The following ETV1 variants were observed in gnomAD, a reference collection of about 807,000 sequenced individuals.
ETV1 encodes ETS translocation variant 1.
Under a neutral mutation model 62.3 loss-of-function variants are expected in ETV1, and 27 were observed. That is an observed-to-expected ratio of 0.43 (90% CI 0.32 to 0.60). The LOEUF (loss-of-function observed/expected upper bound fraction) is 0.60, where lower values mean the gene tolerates loss of function less well. Among genes scored for constraint, ETV1 ranks in the 20% least tolerant of loss-of-function variants. The pLI is 0.06. For synonymous variants in ETV1, 222 were observed against 199.6 expected (o/e 1.11, Z -0.94); for missense variants, 605 against 605.8 (o/e 1.00, Z 0.01).
intron 6 of ETV1, among the ~76,000 whole-genome samples, chr7:13,952,182 C>T (rs1182434256): frequency 6.6e-6 from 1 of 152,138 alleles, no homozygotes; most frequent in African/African-American, 2.4e-5. Context: ...CCAGTTCCTA[C>T]CCCAGCTAGC....
At chr7:13,944,140 A>G (rs913354963) in intron 6 of ETV1, among the ~76,000 whole-genome samples, 1 of 152,192 alleles carries the variant, frequency 6.6e-6, no homozygotes, top group Non-Finnish European at 1.5e-5. Flanking sequence ...TGGAAATGCT[A>G]TTTAGTGCTC....
At chr7:13,952,901 T>C (rs1788996649) in intron 6 of ETV1, among the ~76,000 whole-genome samples, 1 of 152,198 alleles carries the variant, frequency 6.6e-6, no homozygotes, top group Non-Finnish European at 1.5e-5. Flanking sequence ...ACTTCAGCAG[T>C]AGTGGTACTA....
intron 8 of ETV1, among the ~76,000 whole-genome samples, chr7:13,934,678 T>C (rs1027186386): frequency 1.3e-5 from 2 of 152,242 alleles, no homozygotes; most frequent in African/African-American, 2.4e-5. Context: ...CTAATTATCT[T>C]ACTACATTTC....
chr7:13,900,886 A>T (rs1187938653), intron 12 of ETV1, 47 bp from the exon 13 acceptor site: 4 of 1,229,664 alleles, frequency 3.3e-6, no homozygotes, highest in Non-Finnish European at 4.6e-6. Flanking sequence ...TTAACTTATC[A>T]GCATATTTCA....
intron 9 of ETV1, among the ~76,000 whole-genome samples, chr7:13,915,565 A>C (rs992575259): frequency 6.6e-6 from 1 of 152,130 alleles, no homozygotes; most frequent in Non-Finnish European, 1.5e-5. Context: ...CTCATAGTTT[A>C]TGTTTAAAAT....
rs113847321 is a variant in ETV1 at position 13,906,250 on chromosome 7, C to T, written c.1110+180G>A. 4.7e-3 allele frequency: 2,149 copies of T among 454,818 alleles called. 32 individuals are homozygous for T. The highest frequency in any genetic ancestry group is 0.036 in the African/African-American group (1,753 of 49,378). The allele number at this position is 454,818 out of a possible 1,614,324, so 28.2% of individuals were successfully genotyped here. On this transcript the variant is annotated intron_variant, in intron 12 of 13. Coordinates refer to ENST00000430479, the MANE Select transcript of ETV1 (RefSeq NM_004956.5). ...GGATTGTATACAACCGGAAGGAACA[C>T]GCAATACATTGGTGATTTTAAAGGT...
intron 6 of ETV1, among the ~76,000 whole-genome samples, chr7:13,948,509 T>C (rs973184039): frequency 3.3e-5 from 5 of 152,360 alleles, no homozygotes; most frequent in South Asian, 2.1e-4. Context: ...TTCTGTATGC[T>C]GTTCTAGAAC....
intron 9 of ETV1, among the ~76,000 whole-genome samples, chr7:13,917,429 C>T (rs187007405): frequency 7.3e-5 from 11 of 151,678 alleles, no homozygotes; most frequent in East Asian, 3.9e-4. Flanking sequence ...GTGATTCTCC[C>T]GCCTCAGCCT....
intron 6 of ETV1, among the ~76,000 whole-genome samples, chr7:13,947,893 G>C (rs988192434): frequency 1.3e-5 from 2 of 152,164 alleles, no homozygotes; most frequent in Non-Finnish European, 1.5e-5. Context: ...AGTCCAATTA[G>C]AGCTTTATTT....
In ETV1 at chr7:13,957,665, G is replaced by A. The variant is rs118168433; in HGVS notation, c.236-18419C>T. ...TTAGAACAATGAGCTCTGCCAAAGC[G>A]TCTGCTGTAACTCCAGGTGTAAGGT... On this transcript the variant is annotated intron_variant, in intron 6 of 13. Transcript: ENST00000430479. Among the ~76,000 whole-genome samples, 737 of 152,240 alleles carry A rather than the reference G, an allele frequency of 4.8e-3. 2 individuals carry two copies. Among genetic ancestry groups the A allele is most frequent in the Non-Finnish European group, 8.7e-3 (591 of 68,010 alleles).
In ETV1 at chr7:13,891,952, G is replaced by A. The variant is rs959599209; in HGVS notation, c.*3914C>T. The A allele has an allele frequency of 8.6e-6, 2 of 231,584 alleles. No individual in the cohort carries two copies. The highest frequency in any genetic ancestry group is 4.4e-5 in the African/African-American group (2 of 45,230). 14.3% of individuals were successfully genotyped at this position (231,584 alleles called of 1,614,324 possible). ...CCTCTGTAATGTTTTCTCATTACAA[G>A]CTCTGAAAAGGCTGCATGATAGACA... is the stretch of plus-strand genomic sequence containing the variant. On this transcript the variant is annotated 3_prime_UTR_variant, in exon 14 of 14. Coordinates refer to ENST00000430479, the MANE Select transcript of ETV1 (RefSeq NM_004956.5).
chr7:13,920,201 A>G (rs139202219), intron 9 of ETV1, among the ~76,000 whole-genome samples: 8 of 152,242 alleles, frequency 5.3e-5, no homozygotes, highest in African/African-American at 1.7e-4. Flanking sequence ...TGGGGCTGAA[A>G]TGACATATTT....
chr7:13,893,558 A>G lies in ETV1; in HGVS notation c.*2308T>C, dbSNP rs1245820710. The G allele has an allele frequency of 4.3e-6, 1 of 231,878 alleles. No homozygotes were observed. Among genetic ancestry groups the G allele is most frequent in the Non-Finnish European group, 8.5e-6 (1 of 117,316 alleles). 14.4% of individuals were successfully genotyped at this position (231,878 alleles called of 1,614,324 possible). A position where few individuals can be genotyped will look rare whatever the true frequency, so the allele number is the denominator to read the frequency against. On this transcript the variant is annotated 3_prime_UTR_variant, in exon 14 of 14. Transcript: ENST00000430479. ...ATTGTTCTCTTGTGATAACGTTAGC[A>G]TGGCCCAATTCTTCCTCACTGACTG...
At chr7:13,947,893 G>T (rs988192434) in intron 6 of ETV1, among the ~76,000 whole-genome samples, 2 of 152,164 alleles carry the variant, frequency 1.3e-5, no homozygotes, top group Non-Finnish European at 2.9e-5. Context: ...AGTCCAATTA[G>T]AGCTTTATTT....
At chr7:13,971,419 G>A (rs1411847700) in intron 6 of ETV1, among the ~76,000 whole-genome samples, 1 of 152,194 alleles carries the variant, frequency 6.6e-6, no homozygotes, top group Non-Finnish European at 1.5e-5. Flanking sequence ...TTTTTGTATG[G>A]TCCTCTAGTA....
intron 6 of ETV1, among the ~76,000 whole-genome samples, chr7:13,946,345 A>T (rs2128467118): frequency 6.6e-6 from 1 of 152,256 alleles, no homozygotes; most frequent in East Asian, 1.9e-4. Flanking sequence ...TGGAAGCTTG[A>T]CCTTTAAAAC....
intron 6 of ETV1, among the ~76,000 whole-genome samples, chr7:13,945,822 A>G (rs1788095703): frequency 6.6e-6 from 1 of 152,182 alleles, no homozygotes; most frequent in Non-Finnish European, 1.5e-5. Flanking sequence ...ATTTTGTGCA[A>G]TTTGCTTTAC....
chr7:13,904,762 G>A (rs1583573150), intron 12 of ETV1, among the ~76,000 whole-genome samples: 1 of 151,822 alleles, frequency 6.6e-6, no homozygotes, highest in Non-Finnish European at 1.5e-5. Flanking sequence ...ATGAGGTGAA[G>A]AGCACACACT....
chr7:13,938,202 C>T (rs1211859348), intron 7 of ETV1, among the ~76,000 whole-genome samples: 1 of 152,176 alleles, frequency 6.6e-6, no homozygotes, highest in Non-Finnish European at 1.5e-5. Context: ...AACTCTGCCT[C>T]CCAAAGTGCT....
Sources: allele counts gnomAD v4.1 joint callset (sites outside exome capture counted in the v4.1 genomes callset), GRCh38; gene constraint gnomAD v4.1.1; transcripts MANE v1.5; gene names NCBI Gene and HGNC (gene_info 2026-07-23, HGNC 2026-07-21).